Variants in PIP4K2A observed in about 807,000 individuals in gnomAD.
The protein encoded by PIP4K2A is phosphatidylinositol 5-phosphate 4-kinase type-2 alpha.
In PIP4K2A, 14 loss-of-function variants were observed where a neutral mutation model predicts 42.9. The observed-to-expected ratio is 0.33, with a 90% confidence interval of 0.22 to 0.51. The LOEUF (loss-of-function observed/expected upper bound fraction) is 0.51. PIP4K2A is among the 20% of genes least tolerant of loss of function. PIP4K2A has a pLI of 0.97. For synonymous variants in PIP4K2A, 192 were observed against 192.2 expected, an observed-to-expected ratio of 1.00 and a Z score of 0.01; for missense variants, 434 against 519.8, an observed-to-expected ratio of 0.83 and a Z score of 1.61.
intron 5 of PIP4K2A, among the ~76,000 whole-genome samples, chr10:22,568,623 ACT>A (rs1027702373): frequency 4.0e-5 from 6 of 151,858 alleles, no homozygotes; most frequent in African/African-American, 1.5e-4. Context: ...GGTGTTCAAA[ACT>A]CTGCCTTAGA....
intron 1 of PIP4K2A, among the ~76,000 whole-genome samples, chr10:22,701,984 C>T (rs1833723594): frequency 6.6e-6 from 1 of 152,160 alleles, no homozygotes; most frequent in South Asian, 2.1e-4. Context: ...CCATGCCACC[C>T]CAGGGACTGC....
At chr10:22,705,425 T>TAA (rs1833800596) in intron 1 of PIP4K2A, among the ~76,000 whole-genome samples, 1 of 56,876 alleles carries the variant, frequency 1.8e-5, no homozygotes, top group Non-Finnish European at 3.2e-5. Context: ...AGTACCCCAG[T>TAA]TAAAAAAAAA....
intron 1 of PIP4K2A, among the ~76,000 whole-genome samples, chr10:22,683,734 G>C (rs1276217540): frequency 6.6e-6 from 1 of 151,650 alleles, no homozygotes; most frequent in Non-Finnish European, 1.5e-5. Flanking sequence ...AGACTGCAGC[G>C]TCCCTCCTGA....
At chr10:22,674,405 C>T (rs528465666) in intron 1 of PIP4K2A, among the ~76,000 whole-genome samples, 3 of 117,956 alleles carry the variant, frequency 2.5e-5, no homozygotes, top group Non-Finnish European at 5.1e-5. Flanking sequence ...AGAGACAAGA[C>T]ACTTGGGAGC....
chr10:22,603,988 C>T (rs146037262), intron 3 of PIP4K2A, among the ~76,000 whole-genome samples: 239 of 140,436 alleles, frequency 1.7e-3, no homozygotes, highest in African/African-American at 6.0e-3. Context: ...TACACACATG[C>T]GCGAGCACAC....
intron 3 of PIP4K2A, among the ~76,000 whole-genome samples, chr10:22,605,103 C>T (rs1837878191): frequency 6.6e-6 from 1 of 152,314 alleles, no homozygotes; most frequent in Middle Eastern, 3.4e-3. Context: ...TTAAGAGGTA[C>T]AGACACTGGG....
chr10:22,589,197 G>C (rs1047606223), intron 4 of PIP4K2A, among the ~76,000 whole-genome samples: 10 of 152,138 alleles, frequency 6.6e-5, no homozygotes, highest in Admixed American at 6.5e-4. Context: ...ATATCACTTC[G>C]CTTTGAATGT....
chr10:22,639,741 T>C (rs1020538718), intron 1 of PIP4K2A, among the ~76,000 whole-genome samples: 1 of 152,130 alleles, frequency 6.6e-6, no homozygotes, highest in African/African-American at 2.4e-5. Context: ...ACTGATCCCT[T>C]CCCTTCAAGA....
At chr10:22,576,891 C>G (rs936470828) in intron 4 of PIP4K2A, among the ~76,000 whole-genome samples, 1 of 151,974 alleles carries the variant, frequency 6.6e-6, no homozygotes, top group Non-Finnish European at 1.5e-5. Context: ...GCCTGGCCAA[C>G]AGCGAAACCT....
chr10:22,597,297 C>T (rs781128589), intron 3 of PIP4K2A, among the ~76,000 whole-genome samples: 1 of 152,156 alleles, frequency 6.6e-6, no homozygotes, highest in East Asian at 1.9e-4. Flanking sequence ...ACTCACACAG[C>T]GTAACACAGG....
chr10:22,597,561 T>C (rs1020344147), intron 3 of PIP4K2A, among the ~76,000 whole-genome samples: 1 of 152,064 alleles, frequency 6.6e-6, no homozygotes, highest in Non-Finnish European at 1.5e-5. Context: ...AATGCCAAAG[T>C]TGAAAGGAGC....
chr10:22,713,654 A>T (rs1357943598), intron 1 of PIP4K2A, among the ~76,000 whole-genome samples: 3 of 152,130 alleles, frequency 2.0e-5, no homozygotes, highest in Non-Finnish European at 4.4e-5. Context: ...TGCTGCCCCA[A>T]ATCTGCTCGC....
chr10:22,642,667 A>G (rs1030848799), intron 1 of PIP4K2A, among the ~76,000 whole-genome samples: 3 of 129,660 alleles, frequency 2.3e-5, no homozygotes, highest in African/African-American at 8.7e-5. Flanking sequence ...AGAACAGTGT[A>G]TTTATAGCAC....
At chr10:22,622,238 G>A (rs1033269323) in intron 1 of PIP4K2A, among the ~76,000 whole-genome samples, 5 of 152,204 alleles carry the variant, frequency 3.3e-5, no homozygotes, top group Admixed American at 1.3e-4. Context: ...TGTGCCGGTG[G>A]CCACTCAATG....
At chr10:22,569,162 G>A in intron 5 of PIP4K2A, 1 of 808,428 alleles carries the variant, frequency 1.2e-6, no homozygotes. Context: ...GAACGGAAGA[G>A]ACTCCTCACA....
intron 4 of PIP4K2A, among the ~76,000 whole-genome samples, chr10:22,579,654 C>T (rs1402929042): frequency 1.3e-5 from 2 of 152,096 alleles, no homozygotes; most frequent in Non-Finnish European, 2.9e-5. Context: ...GCATGTAATC[C>T]CAGCACTTTG....
At chr10:22,586,655 C>T (rs865918836) in intron 4 of PIP4K2A, among the ~76,000 whole-genome samples, 12 of 152,182 alleles carry the variant, frequency 7.9e-5, no homozygotes, top group Middle Eastern at 3.4e-3. Flanking sequence ...CTCAGCCTCC[C>T]GAGTAGCTGG....
At chr10:22,545,244 T>C (rs947994709) in intron 7 of PIP4K2A, among the ~76,000 whole-genome samples, 16 of 152,224 alleles carry the variant, frequency 1.1e-4, no homozygotes, top group African/African-American at 3.4e-4. Flanking sequence ...CAGAAAACTT[T>C]TGTCTGAGAC....
At chr10:22,702,425 AAT>A (rs1473706338) in intron 1 of PIP4K2A, among the ~76,000 whole-genome samples, 1 of 152,218 alleles carries the variant, frequency 6.6e-6, no homozygotes, top group East Asian at 1.9e-4. Context: ...CTTCTAACAT[AAT>A]ATCTCAGATT....
Sources: gnomAD v4.1 joint callset for allele counts (sites outside exome capture counted in the v4.1 genomes callset) on GRCh38, gnomAD v4.1.1 for gene constraint, MANE v1.5 for transcripts, NCBI Gene and HGNC (gene_info 2026-07-23, HGNC 2026-07-21) for gene names.